Variants in TCHP observed in about 807,000 individuals in gnomAD.
TCHP encodes trichoplein keratin filament-binding protein.
A neutral mutation model predicts 88.7 loss-of-function variants in TCHP; 81 were observed. That is an observed-to-expected ratio of 0.91 (90% CI 0.76 to 1.10). The LOEUF is 1.10. TCHP is among the 50% of genes least tolerant of loss of function. The pLI is 0.00. For missense variants in TCHP, 641 were observed against 632.1 expected, an observed-to-expected ratio of 1.01 and a Z score of -0.15; for synonymous variants, 232 against 232.5, an observed-to-expected ratio of 1.00 and a Z score of 0.02.
At position 109,903,019 on chromosome 12, in the gene TCHP, G is replaced by C; in HGVS notation, c.1-8G>C. On this transcript the variant is annotated splice_region_variant and splice_polypyrimidine_tract_variant and intron_variant, in intron 1 of 12. Coordinates refer to ENST00000405876, the MANE Select transcript of TCHP (RefSeq NM_001143852.2). This position sits in a 1 kb window ranked among gnomAD's most constrained non-coding sequence, Gnocchi z 4.6. ...AGTGGCTCACTTTCCTCCCATTCCT[G>C]TTCTCAGATGGCGCTCCCGACGCTG... 1 of 1,591,334 alleles carries C rather than the reference G, an allele frequency of 6.3e-7. No individual in the cohort carries two copies. Among genetic ancestry groups the C allele is most frequent in the Non-Finnish European group, 8.6e-7 (1 of 1,167,870 alleles).
At chr12:109,906,893 CT>C (rs1326037168) in intron 5 of TCHP, among the ~76,000 whole-genome samples, 1 of 152,038 alleles carries the variant, frequency 6.6e-6, no homozygotes, top group Non-Finnish European at 1.5e-5. Flanking sequence ...CACGCGTCTT[CT>C]TTTTTTCTTT....
At chr12:109,914,862 T>C (rs1870712125) in intron 11 of TCHP, 5 of 485,622 alleles carry the variant, frequency 1.0e-5, no homozygotes, top group Admixed American at 3.6e-5. Context: ...CTTTACTCTG[T>C]CTGCTTCTGC....
At chr12:109,900,970 C>T (rs1383228836) in intron 1 of TCHP, 3 of 152,290 alleles carry the variant, frequency 2.0e-5, no homozygotes, top group African/African-American at 7.2e-5. Context: ...AGTGAGACTG[C>T]TCTCTGCTTT....
At chr12:109,894,624 G>A in the TCHP span, among the ~76,000 whole-genome samples, 2 of 151,660 alleles carry the variant, frequency 1.3e-5, no homozygotes, top group South Asian at 2.1e-4. Flanking sequence ...AATTAGTTGG[G>A]CGTAGTGGCG....
the TCHP span, among the ~76,000 whole-genome samples, chr12:109,891,993 C>T: frequency 6.6e-6 from 1 of 152,114 alleles, no homozygotes; most frequent in Admixed American, 6.5e-5. Flanking sequence ...AAAGTTTCTA[C>T]TCAAGGTTTC....
At position 109,911,126 on chromosome 12, in the gene TCHP, C is replaced by G. The variant is rs1870462708; in HGVS notation, c.943C>G (p.Leu315Val). Residue 315 changes from leucine (L) to valine (V), a missense_variant, in exon 9 of 13, where the codon CTG becomes GTG. By Grantham distance (32) the Leu-to-Val change is conservative. Coordinates refer to ENST00000405876, the MANE Select transcript of TCHP (RefSeq NM_001143852.2). ...GGAGGACGAGAGCCAGCGCCTCCACCTGGCCAGGCGGGAGCAGGTCATGGC... is the reference window on the plus strand; with the variant it reads ...GGAGGACGAGAGCCAGCGCCTCCACGTGGCCAGGCGGGAGCAGGTCATGGC... ...EKEDESQRLHLARREQVMADV... is the reference protein window; with the variant it reads ...EKEDESQRLHVARREQVMADV... 3 of 1,597,386 alleles carry G rather than the reference C, an allele frequency of 1.9e-6. No individual in the cohort carries two copies. Among genetic ancestry groups the G allele is most frequent in the African/African-American group, 2.7e-5 (2 of 74,736 alleles).
chr12:109,908,047 G>A (rs1170634420), intron 6 of TCHP, among the ~76,000 whole-genome samples: 3 of 152,176 alleles, frequency 2.0e-5, no homozygotes, highest in Admixed American at 1.3e-4. Context: ...TCTCCGTGGG[G>A]AGCAGGTTTC....
At chr12:109,886,999 G>A in the TCHP span, among the ~76,000 whole-genome samples, 3 of 152,078 alleles carry the variant, frequency 2.0e-5, no homozygotes, top group African/African-American at 4.8e-5. Flanking sequence ...GAGCCACTGC[G>A]CCCGGCCTAG....
At position 109,915,925 on chromosome 12, in the gene TCHP, T is replaced by G. The variant is rs562462858; in HGVS notation, c.1464+379T>G. ...CCGATGAACAAGAGACCAGTCCTCC[T>G]CCTCACCTCCCCTCCCTCCCTCCTG... On this transcript the variant is annotated intron_variant, in intron 12 of 12. Transcript: ENST00000405876. Among the ~76,000 whole-genome samples, 3 of 152,182 alleles carry G rather than the reference T, an allele frequency of 2.0e-5. No individual in the cohort carries two copies. In the East Asian group the frequency reaches 5.8e-4, roughly 29 times the overall value.
chr12:109,901,344 T>A (rs568393852), intron 1 of TCHP, among the ~76,000 whole-genome samples: 1 of 114,692 alleles, frequency 8.7e-6, no homozygotes, highest in African/African-American at 4.9e-5. Context: ...GCTTTTAGAC[T>A]CTTTTTTTCC....
upstream of TCHP, among the ~76,000 whole-genome samples, chr12:109,897,640 A>C: frequency 6.7e-6 from 1 of 149,070 alleles, no homozygotes; most frequent in East Asian, 2.0e-4. Flanking sequence ...GGCTCACTGC[A>C]ACCTCTGCCA....
chr12:109,908,878 T>C lies in TCHP; in HGVS notation c.820T>C (p.Leu274=). ...FRQKAELGRF[L]RHQYNAQLSR... is the part of the protein sequence containing the mutation. ...CATTTGATTCTCCTTCAGGCGTTTC[T>C]TGAGACATCAGTATAACGCTCAACT... The change falls in exon 8 of 13, where the codon TTG becomes CTG. Residue 274 remains leucine, a synonymous_variant. Coordinates refer to ENST00000405876, the MANE Select transcript of TCHP (RefSeq NM_001143852.2). 6.2e-7 allele frequency: 1 copy of C among 1,614,240 alleles called. No homozygotes were observed. The highest frequency in any genetic ancestry group is 8.5e-7 in the Non-Finnish European group (1 of 1,180,032).
intron 11 of TCHP, chr12:109,915,059 G>C: frequency 2.2e-6 from 1 of 448,592 alleles, no homozygotes; most frequent in Non-Finnish European, 4.1e-6. Context: ...AGCTTTCTAC[G>C]AGGTACATGC....
At chr12:109,907,261 T>G (rs1395315314) in intron 5 of TCHP, among the ~76,000 whole-genome samples, 3 of 152,372 alleles carry the variant, frequency 2.0e-5, no homozygotes, top group Non-Finnish European at 4.4e-5. Context: ...AGCCCTGGCT[T>G]ACTGTAACCC....
chr12:109,908,136 C>T (rs1393719741), intron 6 of TCHP, among the ~76,000 whole-genome samples: 2 of 146,618 alleles, frequency 1.4e-5, no homozygotes, highest in African/African-American at 2.7e-5. Flanking sequence ...TGAAAGAGAT[C>T]TTTCTATTTA....
chr12:109,906,939 T>C lies in TCHP; in HGVS notation c.525+299T>C, dbSNP rs368306728. On this transcript the variant is annotated intron_variant, in intron 5 of 12. Transcript: ENST00000405876. ...GGTCTTGCTCTGTCACCCAGGCTGG[T>C]GTGCAGTGGCGCGACTCACAGCTCA... 3.9e-4 allele frequency among the ~76,000 whole-genome samples: 59 copies of C among 152,262 alleles called. No homozygotes were observed. In the East Asian group the frequency reaches 9.7e-3, roughly 25 times the overall value.
At chr12:109,887,680 T>G in the TCHP span, 5 of 152,316 alleles carry the variant, frequency 3.3e-5, no homozygotes, top group Admixed American at 1.3e-4. Flanking sequence ...AGTCTGCCTT[T>G]CCATGAGGAT....
At position 109,905,965 on chromosome 12, in the gene TCHP, A is replaced by G. The variant is rs1300042721; in HGVS notation, c.457-607A>G. 6.6e-6 allele frequency among the ~76,000 whole-genome samples: 1 copy of G among 152,222 alleles called. No individual in the cohort carries two copies. The highest frequency in any genetic ancestry group is 2.4e-5 in the African/African-American group (1 of 41,452). On this transcript the variant is annotated intron_variant, in intron 4 of 12. Coordinates refer to ENST00000405876, the MANE Select transcript of TCHP (RefSeq NM_001143852.2). The surrounding 1 kb of genome is among the most constrained non-coding windows in gnomAD (Gnocchi z 4.0). ...ATCCTCCCACCTCAGCCTCCCGAGT[A>G]GCTGAGACTACAGGTGGGCGCCACC... is the stretch of plus-strand genomic sequence containing the variant.
chr12:109,888,781 TC>T, the TCHP span, among the ~76,000 whole-genome samples: 1 of 152,228 alleles, frequency 6.6e-6, no homozygotes, highest in African/African-American at 2.4e-5. Flanking sequence ...TGTGTCAGTT[TC>T]CTGTGGCTGC....
Sources: gnomAD v4.1 joint callset for allele counts (sites outside exome capture counted in the v4.1 genomes callset) on GRCh38, gnomAD v4.1.1 for gene constraint, Gnocchi (gnomAD v3.1) non-coding constraint, MANE v1.5 for transcripts, NCBI Gene and HGNC (gene_info 2026-07-23, HGNC 2026-07-21) for gene names.